Variants in BRAP observed in about 807,000 individuals in gnomAD.
BRAP encodes BRCA1 associated protein, also known as BRCA1-associated protein.
BRAP carries 42 observed loss-of-function variants against 73.4 expected under a neutral mutation model. The observed-to-expected ratio is 0.57, with a 90% CI of 0.45 to 0.74. The LOEUF is 0.74. Ranked by LOEUF, BRAP falls within the 30% of genes least tolerant of loss-of-function variation. The pLI is 0.00. For missense variants in BRAP, 593 were observed against 751.4 expected (o/e 0.79, Z 2.46); for synonymous variants, 255 against 267.4 (o/e 0.95, Z 0.45).
At chr12:111,666,020 A>G (rs913938477) in intron 5 of BRAP, among the ~76,000 whole-genome samples, 1 of 152,128 alleles carries the variant, frequency 6.6e-6, no homozygotes, top group Admixed American at 6.6e-5. Context: ...TCTTCTTTTA[A>G]TAATAGTTTT....
rs1390343687 is a variant in BRAP at position 111,670,332 on chromosome 12, C to T, written c.747+2329G>A. 8.1e-6 allele frequency: 4 copies of T among 492,662 alleles called. No homozygotes were observed. In the Admixed American group the frequency reaches 1.0e-4, roughly 13 times the overall value. 30.5% of individuals were successfully genotyped at this position (492,662 alleles called of 1,614,324 possible). A position where few individuals can be genotyped will look rare whatever the true frequency, so the allele number is the denominator to read the frequency against. On this transcript the variant is annotated intron_variant, in intron 5 of 11. Transcript: ENST00000419234. ...TCTTCAGGTCCTCTGGCAGCTCCAG[C>T]TCGCTGAGACTTTTCAGCCTTCTTC...
At chr12:111,651,516 GAC>G (rs1304597070) in intron 10 of BRAP, among the ~76,000 whole-genome samples, 1 of 151,088 alleles carries the variant, frequency 6.6e-6, no homozygotes, top group East Asian at 1.9e-4. Flanking sequence ...TAGCCTGGGA[GAC>G]AGAGCAAGAC....
Position 111,644,485 on chromosome 12 carries a change from C to G in BRAP, c.1493G>C (p.Arg498Pro). Residue 498 changes from arginine (R) to proline (P), a missense_variant, in exon 12 of 12, where the codon CGA becomes CCA. Physicochemically the swap from Arg to Pro is moderately radical, Grantham distance 103. Coordinates refer to ENST00000419234, the MANE Select transcript of BRAP (RefSeq NM_006768.5). ...KEEQEMNKCLRANQVLLQNKL... is the reference protein window; with the variant it reads ...KEEQEMNKCLPANQVLLQNKL... Reference sequence around the variant, plus strand: ...GTTCTGCAGGAGGACTTGGTTGGCTCGCAAACACTTGTTCATTTCCTGCTC... The same window carrying G: ...GTTCTGCAGGAGGACTTGGTTGGCTGGCAAACACTTGTTCATTTCCTGCTC... 1 of 1,614,098 alleles carries G rather than the reference C, an allele frequency of 6.2e-7. No individual in the cohort carries two copies. The highest frequency in any genetic ancestry group is 2.2e-5 in the East Asian group (1 of 44,882).
intron 5 of BRAP, among the ~76,000 whole-genome samples, chr12:111,668,216 G>A (rs1357115077): frequency 1.3e-5 from 2 of 152,052 alleles, no homozygotes; most frequent in Non-Finnish European, 2.9e-5. Flanking sequence ...GGGTCGGGGC[G>A]GGGTGTGGGG....
At chr12:111,672,361 A>T (rs1887211269) in intron 5 of BRAP, among the ~76,000 whole-genome samples, 1 of 152,198 alleles carries the variant, frequency 6.6e-6, no homozygotes. Context: ...AATTTTAGAA[A>T]ATGAGATATT....
chr12:111,678,679 A>G (rs1391299324), intron 4 of BRAP, among the ~76,000 whole-genome samples: 1 of 144,644 alleles, frequency 6.9e-6, no homozygotes, highest in Non-Finnish European at 1.5e-5. Flanking sequence ...ACAAAAAAAC[A>G]CACTAGATTT....
intron 5 of BRAP, among the ~76,000 whole-genome samples, chr12:111,670,915 C>T (rs1289559721): frequency 1.3e-5 from 2 of 151,868 alleles, no homozygotes; most frequent in Non-Finnish European, 2.9e-5. Flanking sequence ...GCCTGGCCAA[C>T]ATGGCAAAAC....
chr12:111,659,412 C>T (rs760900101), intron 7 of BRAP, 67 bp from the exon 8 acceptor site: 13 of 1,488,070 alleles, frequency 8.7e-6, no homozygotes, highest in African/African-American at 2.8e-5. Flanking sequence ...CGCGATGGCT[C>T]GGAGGCCGAG....
rs1179721355 is a variant in BRAP, at chr12:111,665,775, G to C, written c.760C>G (p.Pro254Ala). 18 of 1,614,064 alleles carry C rather than the reference G, an allele frequency of 1.1e-5. No homozygotes were observed. Among genetic ancestry groups the C allele is most frequent in the Non-Finnish European group, 1.5e-5 (18 of 1,180,038 alleles). Residue 254 changes from proline (P) to alanine (A), a missense_variant, in exon 6 of 12, where the codon CCA becomes GCA. Around this residue, in one of 4 missense-constraint regions of BRAP, gnomAD observed 304 missense variants for 337.7 expected, o/e 0.90. Coordinates refer to ENST00000419234, the MANE Select transcript of BRAP (RefSeq NM_006768.5). This position sits in a 1 kb window ranked among gnomAD's most constrained non-coding sequence, Gnocchi z 4.3. ...GGGAGTTCAGTCAGGTCCATCACTG[G>C]GAGGCTGGCGCCCTACAGGAAACAC... ...VLKSEDGASL[P>A]VMDLTELPKC...
Position 111,644,066 on chromosome 12 carries a change from G to T in BRAP, c.*133C>A. The T allele has an allele frequency of 2.2e-6, 3 of 1,344,098 alleles. No individual in the cohort carries two copies. The highest frequency in any genetic ancestry group is 2.5e-5 in the East Asian group (1 of 40,806). The allele number at this position is 1,344,098 out of a possible 1,614,324, so 83.3% of individuals were successfully genotyped here. A position where few individuals can be genotyped will look rare whatever the true frequency, so the allele number is the denominator to read the frequency against. On this transcript the variant is annotated 3_prime_UTR_variant, in exon 12 of 12. Transcript: ENST00000419234. The stretch of plus-strand genomic sequence containing the variant: ...TTCACTACATCACACACTAGCAAAT[G>T]AAAGAGCCAAACAACTGTGGCTTGA...
chr12:111,673,736 G>GC (rs1407526791), intron 4 of BRAP, among the ~76,000 whole-genome samples: 1 of 152,106 alleles, frequency 6.6e-6, no homozygotes, highest in Non-Finnish European at 1.5e-5. Context: ...AGGTCAAGGG[G>GC]CCCAAGATGA....
In BRAP at chr12:111,668,089, C is replaced by T. The variant is rs1887026457; in HGVS notation, c.748-2302G>A. 5.9e-5 allele frequency among the ~76,000 whole-genome samples: 9 copies of T among 152,210 alleles called. 1 individual carries two copies. In the South Asian group the frequency reaches 1.9e-3, roughly 32 times the overall value. Reference sequence around the variant, plus strand: ...GGGCATGGTGGTGCATACCTGTAATCCCAGCTACTCAGGAGGCTGAGGCAG... The same window carrying T: ...GGGCATGGTGGTGCATACCTGTAATTCCAGCTACTCAGGAGGCTGAGGCAG... On this transcript the variant is annotated intron_variant, in intron 5 of 11. Coordinates refer to ENST00000419234, the MANE Select transcript of BRAP (RefSeq NM_006768.5).
intron 11 of BRAP, among the ~76,000 whole-genome samples, chr12:111,645,985 G>A (rs1330556844): frequency 6.6e-6 from 1 of 152,010 alleles, no homozygotes; most frequent in Non-Finnish European, 1.5e-5. Flanking sequence ...ACGAGATCTT[G>A]TCTCAAACAA....
intron 6 of BRAP, among the ~76,000 whole-genome samples, chr12:111,662,042 G>C (rs1408635238): frequency 6.6e-6 from 1 of 152,144 alleles, no homozygotes; most frequent in Non-Finnish European, 1.5e-5. Flanking sequence ...ACATCATGTG[G>C]AAGATACCAG....
chr12:111,659,426 G>A, intron 7 of BRAP, 81 bp from the exon 8 acceptor site: 1 of 1,372,814 alleles, frequency 7.3e-7, no homozygotes, highest in Non-Finnish European at 9.9e-7. Context: ...GGCCGAGGCA[G>A]ATGGATCACC....
chr12:111,685,652 G>GGGAA lies in BRAP; in HGVS notation c.82+55_82+58dup. On this transcript the variant is annotated intron_variant, in intron 1 of 11. Coordinates refer to ENST00000419234, the MANE Select transcript of BRAP (RefSeq NM_006768.5). ...TTTTCCCGGGCCAGTGCTTTGGGAAGGGAAGCCCTCCGGGCCCAGACCCGG... is the reference window on the plus strand; with the variant it reads ...TTTTCCCGGGCCAGTGCTTTGGGAAGGGAAGGAAGCCCTCCGGGCCCAGACCCGG... 2.6e-6 allele frequency: 4 copies of GGGAA among 1,548,420 alleles called. No individual in the cohort carries two copies. In the Admixed American group the frequency reaches 8.5e-5, roughly 33 times the overall value.
At chr12:111,646,986 T>G (rs983726485) in intron 11 of BRAP, among the ~76,000 whole-genome samples, 9 of 152,156 alleles carry the variant, frequency 5.9e-5, no homozygotes, top group Admixed American at 2.6e-4. Flanking sequence ...GCAGGCCAGG[T>G]GCAGGGCTCA....
intron 4 of BRAP, among the ~76,000 whole-genome samples, chr12:111,673,993 G>A (rs1887279041): frequency 6.6e-6 from 1 of 152,148 alleles, no homozygotes; most frequent in African/African-American, 2.4e-5. Flanking sequence ...TCCCATACGG[G>A]CATTAATCCA....
rs372166131 is a variant in BRAP, at chr12:111,678,543, G to C, written c.633+608C>G. On this transcript the variant is annotated intron_variant, in intron 4 of 11. Transcript: ENST00000419234. ...ATGGTGGTGCATGCCTGTAGTCCCA[G>C]CTACTCAGGAGGTTGAGGCAGGAAA... Among the ~76,000 whole-genome samples the C allele has an allele frequency of 4.0e-5, 6 of 151,478 alleles. 1 individual carries two copies. In the South Asian group the frequency reaches 1.3e-3, roughly 32 times the overall value.
Sources: gnomAD v4.1 joint callset for allele counts (sites outside exome capture counted in the v4.1 genomes callset) on GRCh38, gnomAD v4.1.1 for gene constraint, gnomAD v4.1.1 regional missense constraint, Gnocchi (gnomAD v3.1) non-coding constraint, MANE v1.5 for transcripts, NCBI Gene and HGNC (gene_info 2026-07-23, HGNC 2026-07-21) for gene names.